Variants in ZMIZ1 observed in about 807,000 individuals in gnomAD.
The protein encoded by ZMIZ1 is zinc finger MIZ domain-containing protein 1.
In ZMIZ1, 17 loss-of-function variants were observed where a neutral mutation model predicts 113.9. The observed-to-expected ratio is 0.15, with a 90% confidence interval of 0.10 to 0.22. The LOEUF (loss-of-function observed/expected upper bound fraction) is 0.22, where lower values mean the gene tolerates loss of function less well. Among genes scored for constraint, ZMIZ1 ranks in the 10% least tolerant of loss-of-function variants. The probability of loss-of-function intolerance (pLI) is 1.00; values close to 1 mark genes in which losing one functional copy is unlikely to be tolerated. For missense variants in ZMIZ1, 1,059 were observed against 1,477.8 expected, an observed-to-expected ratio of 0.72 and a Z score of 4.65; for synonymous variants, 607 against 603.1, an observed-to-expected ratio of 1.01 and a Z score of -0.09.
intron 23 of ZMIZ1, among the ~76,000 whole-genome samples, chr10:79,307,826 C>T (rs1163866626): frequency 6.6e-6 from 1 of 152,098 alleles, no homozygotes; most frequent in South Asian, 2.1e-4. Flanking sequence ...CCTCACCACC[C>T]CATGCATACA....
intron 16 of ZMIZ1, 124 bp from the exon 17 acceptor site, chr10:79,300,608 G>A: frequency 1.6e-6 from 2 of 1,215,906 alleles, no homozygotes; most frequent in East Asian, 2.6e-5. Context: ...TGGGGTCAGG[G>A]ATGGGGTCCT....
intron 7 of ZMIZ1, among the ~76,000 whole-genome samples, chr10:79,261,205 G>T (rs921269347): frequency 3.9e-5 from 6 of 152,194 alleles, no homozygotes; most frequent in Non-Finnish European, 5.9e-5. Flanking sequence ...GACCCGGCCG[G>T]CCCCTCAGAG....
chr10:79,122,329 G>A (rs1844329152), intron 2 of ZMIZ1, among the ~76,000 whole-genome samples: 3 of 152,082 alleles, frequency 2.0e-5, no homozygotes, highest in Non-Finnish European at 4.4e-5. Context: ...GGGTGGAGTG[G>A]CAACTCTTTC....
chr10:79,263,224 C>T (rs1003205442), intron 7 of ZMIZ1, among the ~76,000 whole-genome samples: 1 of 152,222 alleles, frequency 6.6e-6, no homozygotes, highest in Non-Finnish European at 1.5e-5. Context: ...AGCCTGACCT[C>T]GTGGCTTCGG....
chr10:79,281,848 C>T (rs1449069686), intron 8 of ZMIZ1, among the ~76,000 whole-genome samples: 1 of 152,208 alleles, frequency 6.6e-6, no homozygotes, highest in Admixed American at 6.5e-5. Context: ...CAGTAAAGGG[C>T]AGAGGAAGAT....
At chr10:79,253,606 G>A (rs1850686763) in intron 7 of ZMIZ1, among the ~76,000 whole-genome samples, 1 of 152,174 alleles carries the variant, frequency 6.6e-6, no homozygotes, top group East Asian at 1.9e-4. Flanking sequence ...GGTGGGTAGA[G>A]GTGCGGCCTG....
At chr10:79,259,409 T>TCA (rs1851117805) in intron 7 of ZMIZ1, among the ~76,000 whole-genome samples, 3 of 152,088 alleles carry the variant, frequency 2.0e-5, no homozygotes, top group African/African-American at 7.2e-5. Flanking sequence ...CCAGAACCCT[T>TCA]CAACAGGGCT....
In ZMIZ1 at chr10:79,161,037, C is replaced by T. The variant is rs75691579; in HGVS notation, c.-130-1016C>T. Among the ~76,000 whole-genome samples the T allele has an allele frequency of 8.9e-3, 1,353 of 152,332 alleles. 12 individuals carry two copies. Among genetic ancestry groups the T allele is most frequent in the African/African-American group, 0.022 (934 of 41,562 alleles). On this transcript the variant is annotated intron_variant, in intron 3 of 24. Transcript: ENST00000334512. ...CCTCTGGGTGTCATCCTCCCTCCTG[C>T]CCTCAGGGCTCTGTGGGCAGTAGGG...
At chr10:79,237,249 G>A (rs918742121) in intron 7 of ZMIZ1, among the ~76,000 whole-genome samples, 2 of 152,244 alleles carry the variant, frequency 1.3e-5, no homozygotes, top group Admixed American at 6.5e-5. Context: ...GGAGACTGGA[G>A]GCTGGGTCAC....
intron 2 of ZMIZ1, among the ~76,000 whole-genome samples, chr10:79,134,899 A>G (rs1305474220): frequency 6.6e-6 from 1 of 151,976 alleles, no homozygotes; most frequent in South Asian, 2.1e-4. Context: ...GCTCACTGCA[A>G]CCTCTGCCTC....
At chr10:79,077,533 G>A (rs1241510304) in intron 1 of ZMIZ1, among the ~76,000 whole-genome samples, 1 of 152,088 alleles carries the variant, frequency 6.6e-6, no homozygotes, top group Non-Finnish European at 1.5e-5. Flanking sequence ...GTGTTCCATC[G>A]AAAAATGCTT....
At chr10:79,076,741 G>A (rs1842487985) in intron 1 of ZMIZ1, among the ~76,000 whole-genome samples, 1 of 152,100 alleles carries the variant, frequency 6.6e-6, no homozygotes, top group Non-Finnish European at 1.5e-5. Context: ...AGAGGTTGAG[G>A]CATGAGAAAC....
Position 79,312,760 on chromosome 10 carries a change from G to A in ZMIZ1, c.*11G>A. 5 of 1,612,312 alleles carry A rather than the reference G, an allele frequency of 3.1e-6. No individual in the cohort carries two copies. The highest frequency in any genetic ancestry group is 4.2e-6 in the Non-Finnish European group (5 of 1,178,298). The stretch of plus-strand genomic sequence containing the variant: ...TTTGAGAACAACTGAGGGCCACCCG[G>A]TCGGGGCCATCCCTCCACACTCTGC... On this transcript the variant is annotated 3_prime_UTR_variant, in exon 25 of 25. Transcript: ENST00000334512.
intron 7 of ZMIZ1, among the ~76,000 whole-genome samples, chr10:79,235,354 T>C (rs1456992361): frequency 6.6e-5 from 10 of 152,318 alleles, no homozygotes; most frequent in African/African-American, 2.2e-4. Flanking sequence ...TTTCATGGGC[T>C]TGGGAGGTTC....
chr10:79,172,059 G>T (rs1589374538), intron 4 of ZMIZ1, among the ~76,000 whole-genome samples: 2 of 152,186 alleles, frequency 1.3e-5, no homozygotes, highest in African/African-American at 4.8e-5. Flanking sequence ...CGAGAGCTCA[G>T]GTCAGGAAGC....
chr10:79,091,940 TATTA>T lies in ZMIZ1; in HGVS notation c.-337+22675_-337+22678del, dbSNP rs530129479. Among the ~76,000 whole-genome samples, 19 of 152,268 alleles carry T rather than the reference TATTA, an allele frequency of 1.2e-4. No homozygotes were observed. In the East Asian group the frequency reaches 3.3e-3, roughly 26 times the overall value. Reference sequence around the variant, plus strand: ...ACCTGGGTTGGAGGAGACCTGAGCCTATTAATTAGGCAGGTGAGTGGAGTCCCTG... The same window carrying T: ...ACCTGGGTTGGAGGAGACCTGAGCCTATTAGGCAGGTGAGTGGAGTCCCTG... On this transcript the variant is annotated intron_variant, in intron 1 of 24. Transcript: ENST00000334512.
At chr10:79,115,015 C>T (rs1322480386) in intron 1 of ZMIZ1, among the ~76,000 whole-genome samples, 5 of 152,188 alleles carry the variant, frequency 3.3e-5, no homozygotes, top group Admixed American at 3.3e-4. Flanking sequence ...ACTTCCACTC[C>T]CAGGGGAAAG....
At chr10:79,277,800 C>T (rs967433054) in intron 8 of ZMIZ1, among the ~76,000 whole-genome samples, 4 of 152,212 alleles carry the variant, frequency 2.6e-5, no homozygotes, top group South Asian at 2.1e-4. Context: ...TGGAGGCCGA[C>T]AGCACCGAGG....
At chr10:79,309,397 G>A (rs1013581591) in intron 23 of ZMIZ1, among the ~76,000 whole-genome samples, 5 of 152,222 alleles carry the variant, frequency 3.3e-5, no homozygotes, top group African/African-American at 1.2e-4. Flanking sequence ...TGGGCACTGA[G>A]GGCATCTACA....
Sources: allele counts gnomAD v4.1 joint callset (sites outside exome capture counted in the v4.1 genomes callset), GRCh38; gene constraint gnomAD v4.1.1; transcripts MANE v1.5; gene names NCBI Gene and HGNC (gene_info 2026-07-23, HGNC 2026-07-21).